The following RABGEF1 variants were observed in gnomAD, a reference collection of about 807,000 sequenced individuals.
The protein encoded by RABGEF1 is rab5 GDP/GTP exchange factor.
Under a neutral mutation model 57.3 loss-of-function variants are expected in RABGEF1, and 26 were observed. The ratio of observed to expected loss-of-function variants is 0.45; its 90% CI spans 0.33 to 0.63. The LOEUF (loss-of-function observed/expected upper bound fraction) is 0.63. RABGEF1 is among the 20% of genes least tolerant of loss of function. RABGEF1 has a pLI of 0.02. For missense variants in RABGEF1, 464 were observed against 607.6 expected, an observed-to-expected ratio of 0.76 and a Z score of 2.48; for synonymous variants, 185 against 210.7, an observed-to-expected ratio of 0.88 and a Z score of 1.06.
intron 1 of RABGEF1, among the ~76,000 whole-genome samples, chr7:66,691,135 A>G (rs901198332): frequency 6.6e-6 from 1 of 152,178 alleles, no homozygotes; most frequent in Non-Finnish European, 1.5e-5. Context: ...TGCAGAGGAT[A>G]TGGATTAGTG....
At chr7:66,800,083 T>C (rs1260038155) in intron 7 of RABGEF1, among the ~76,000 whole-genome samples, 2 of 152,226 alleles carry the variant, frequency 1.3e-5, no homozygotes, top group Non-Finnish European at 2.9e-5. Flanking sequence ...TCTCCTTTAT[T>C]AGAAAGAGGC....
intron 4 of RABGEF1, among the ~76,000 whole-genome samples, chr7:66,788,721 G>A (rs966798037): frequency 6.6e-6 from 1 of 152,150 alleles, no homozygotes; most frequent in African/African-American, 2.4e-5. Flanking sequence ...GCTCACGCTT[G>A]TAATCCTAGC....
chr7:66,725,065 C>A (rs1584952414), intron 2 of RABGEF1, among the ~76,000 whole-genome samples: 1 of 152,148 alleles, frequency 6.6e-6, no homozygotes, highest in Non-Finnish European at 1.5e-5. Context: ...ATTTCTATAG[C>A]CGATTTAAAA....
chr7:66,704,542 G>A (rs1392281077), intron 1 of RABGEF1, among the ~76,000 whole-genome samples: 1 of 152,022 alleles, frequency 6.6e-6, no homozygotes. Flanking sequence ...CAGGTGCGGT[G>A]GCTCACACCT....
the RABGEF1 span, among the ~76,000 whole-genome samples, chr7:66,668,285 T>C: frequency 1.3e-5 from 2 of 152,152 alleles, no homozygotes; most frequent in Non-Finnish European, 2.9e-5. Context: ...TTTTTAGAAA[T>C]GGGGTCTGGC....
chr7:66,663,034 A>G, the RABGEF1 span, among the ~76,000 whole-genome samples: 1 of 152,260 alleles, frequency 6.6e-6, no homozygotes, highest in East Asian at 1.9e-4. Flanking sequence ...TGAGGGCAAG[A>G]AACACCTGGC....
intron 2 of RABGEF1, among the ~76,000 whole-genome samples, chr7:66,713,298 T>G (rs2117412270): frequency 6.6e-6 from 1 of 152,168 alleles, no homozygotes; most frequent in South Asian, 2.1e-4. Context: ...CCCGCCACCA[T>G]GCCCAGCTAA....
chr7:66,809,390 G>GAA lies in RABGEF1; in HGVS notation c.*106_*107insAA. ...GTAACTAAATTGCTTATAAATGTCA[G>GAA]CATTTTTTAAAGGTACAGTATATGG... On this transcript the variant is annotated 3_prime_UTR_variant, in exon 9 of 9. Coordinates refer to ENST00000284957, the MANE Select transcript of RABGEF1 (RefSeq NM_014504.3). 7.5e-7 allele frequency: 1 copy of GAA among 1,341,700 alleles called. No homozygotes were observed. Among genetic ancestry groups the GAA allele is most frequent in the Non-Finnish European group, 1.0e-6 (1 of 989,000 alleles). 83.1% of individuals were successfully genotyped at this position (1,341,700 alleles called of 1,614,324 possible). A position where few individuals can be genotyped will look rare whatever the true frequency, so the allele number is the denominator to read the frequency against.
At chr7:66,785,879 GAA>G (rs796913381) in intron 4 of RABGEF1, among the ~76,000 whole-genome samples, 38 of 133,908 alleles carry the variant, frequency 2.8e-4, no homozygotes, top group African/African-American at 8.2e-4. Context: ...ATCTGGGGGG[GAA>G]AAAAAAAAAG....
chr7:66,697,667 C>T (rs566753830), intron 1 of RABGEF1, among the ~76,000 whole-genome samples: 7 of 151,830 alleles, frequency 4.6e-5, no homozygotes, highest in South Asian at 2.1e-4. Context: ...ATTAGCAGGG[C>T]GGGGGTAGCT....
chr7:66,795,976 T>A (rs1813941518), intron 5 of RABGEF1, among the ~76,000 whole-genome samples: 1 of 152,030 alleles, frequency 6.6e-6, no homozygotes. Flanking sequence ...CCGCCTCTAT[T>A]AAAAATACAA....
chr7:66,677,395 G>T (rs1468252641), upstream of RABGEF1, among the ~76,000 whole-genome samples: 1 of 152,046 alleles, frequency 6.6e-6, no homozygotes, highest in Non-Finnish European at 1.5e-5. Flanking sequence ...AACAAAGTGA[G>T]ACCCCTATCT....
chr7:66,704,221 T>G (rs886749587), intron 1 of RABGEF1, among the ~76,000 whole-genome samples: 5 of 152,210 alleles, frequency 3.3e-5, no homozygotes, highest in African/African-American at 1.2e-4. Context: ...AGGCACTAAG[T>G]GAAAAGTTGC....
the RABGEF1 span, among the ~76,000 whole-genome samples, chr7:66,676,366 A>G: frequency 6.6e-6 from 1 of 152,134 alleles, no homozygotes; most frequent in Non-Finnish European, 1.5e-5. Flanking sequence ...ATGCCCACAT[A>G]TACCAAAATC....
chr7:66,655,831 A>T, the RABGEF1 span, among the ~76,000 whole-genome samples: 4 of 152,354 alleles, frequency 2.6e-5, no homozygotes, highest in South Asian at 6.2e-4. Context: ...TCAGGATTTG[A>T]ATTTTTAATG....
chr7:66,658,013 A>G, the RABGEF1 span, among the ~76,000 whole-genome samples: 6 of 152,192 alleles, frequency 3.9e-5, no homozygotes, highest in Non-Finnish European at 7.3e-5. Flanking sequence ...TTTACAGTTC[A>G]GCAAAATTGA....
At position 66,811,337 on chromosome 7, in the gene RABGEF1, C is replaced by T. The variant is rs567051666; in HGVS notation, c.*2053C>T. The stretch of plus-strand genomic sequence containing the variant: ...TTCTCTTAAGTCAGCATCAATACAA[C>T]GGCCGGAGTTTCTGTTTTTGCAATA... On this transcript the variant is annotated 3_prime_UTR_variant, in exon 9 of 9. Coordinates refer to ENST00000284957, the MANE Select transcript of RABGEF1 (RefSeq NM_014504.3). 30 of 152,138 alleles carry T rather than the reference C, an allele frequency of 2.0e-4. No individual in the cohort carries two copies. Among genetic ancestry groups the T allele is most frequent in the Non-Finnish European group, 7.4e-5 (5 of 68,012 alleles). The allele number at this position is 152,138 out of a possible 1,614,324, so 9.4% of individuals were successfully genotyped here.
intron 1 of RABGEF1, chr7:66,682,263 G>A (rs1320308200): frequency 1.2e-5 from 2 of 163,068 alleles, no homozygotes; most frequent in African/African-American, 2.4e-5. Context: ...GGCGAGGTAC[G>A]GAGTGGACGG....
chr7:66,700,481 G>A lies in RABGEF1; in HGVS notation c.-872-11686G>A, dbSNP rs774703298. ...GGAGCCAAGGGACTGAGGGCCAAGCGGGCCCCGGAGGGGGAGGTAGGGGAG... is the reference window on the plus strand; with the variant it reads ...GGAGCCAAGGGACTGAGGGCCAAGCAGGCCCCGGAGGGGGAGGTAGGGGAG... On this transcript the variant is annotated intron_variant and NMD_transcript_variant, in intron 1 of 9. Transcript: ENST00000607882. Among the ~76,000 whole-genome samples, 14 of 150,898 alleles carry A rather than the reference G, an allele frequency of 9.3e-5. 1 individual carries two copies. The highest frequency in any genetic ancestry group is 4.2e-4 in the South Asian group (2 of 4,742).
Sources: allele counts gnomAD v4.1 joint callset (sites outside exome capture counted in the v4.1 genomes callset), GRCh38; gene constraint gnomAD v4.1.1; transcripts MANE v1.5; gene names NCBI Gene and HGNC (gene_info 2026-07-23, HGNC 2026-07-21).